SLC24A4: variants seen among roughly 807,000 people sequenced by gnomAD.
SLC24A4 encodes the protein sodium/potassium/calcium exchanger 4.
A neutral mutation model predicts 79.0 loss-of-function variants in SLC24A4; 53 were observed. The observed-to-expected ratio is 0.67, with a 90% CI of 0.54 to 0.84. The LOEUF is 0.84. Ranked by LOEUF, SLC24A4 falls within the 40% of genes least tolerant of loss-of-function variation. The pLI, the probability that SLC24A4 is intolerant of heterozygous loss-of-function variation, is 0.00. For synonymous variants in SLC24A4, 323 were observed against 323.8 expected, an observed-to-expected ratio of 1.00 and a Z score of 0.03; for missense variants, 731 against 822.0, an observed-to-expected ratio of 0.89 and a Z score of 1.35.
chr14:92,439,495 G>A (rs931717049), intron 4 of SLC24A4, 86 bp downstream of exon 4: 19 of 1,243,630 alleles, frequency 1.5e-5, no homozygotes, highest in African/African-American at 7.4e-5. Flanking sequence ...CAGGGCTGGC[G>A]TGGGGAGCAT....
At chr14:92,429,803 G>A (rs1365290908) in intron 2 of SLC24A4, among the ~76,000 whole-genome samples, 1 of 152,190 alleles carries the variant, frequency 6.6e-6, no homozygotes, top group African/African-American at 2.4e-5. Context: ...TAGTCTCTCA[G>A]AGCCTCCACT....
chr14:92,396,018 G>T (rs1042048342), intron 2 of SLC24A4, among the ~76,000 whole-genome samples: 3 of 152,118 alleles, frequency 2.0e-5, no homozygotes, highest in Admixed American at 6.5e-5. Context: ...TAGAAACAGG[G>T]TTTCACCCTG....
At chr14:92,417,009 T>G (rs1405283993) in intron 2 of SLC24A4, among the ~76,000 whole-genome samples, 2 of 152,232 alleles carry the variant, frequency 1.3e-5, no homozygotes, top group East Asian at 3.8e-4. Context: ...TATTAAGCAC[T>G]TATATGTAAG....
At chr14:92,369,058 C>T (rs1888009052) in intron 2 of SLC24A4, among the ~76,000 whole-genome samples, 1 of 152,168 alleles carries the variant, frequency 6.6e-6, no homozygotes, top group South Asian at 2.1e-4. Context: ...AGAGGTGCCC[C>T]CTGAAACAGC....
chr14:92,379,227 A>T, intron 2 of SLC24A4, among the ~76,000 whole-genome samples: 1 of 152,142 alleles, frequency 6.6e-6, no homozygotes, highest in East Asian at 1.9e-4. Context: ...CTGGAAATCG[A>T]TCTTGAGTCT....
chr14:92,411,269 G>A (rs61975659), intron 2 of SLC24A4, among the ~76,000 whole-genome samples: 4 of 152,134 alleles, frequency 2.6e-5, no homozygotes, highest in African/African-American at 9.7e-5. Context: ...ATATCCTGGA[G>A]CCTCTGTTGA....
chr14:92,464,689 G>A (rs1424629359), intron 12 of SLC24A4, among the ~76,000 whole-genome samples: 2 of 152,138 alleles, frequency 1.3e-5, no homozygotes, highest in Non-Finnish European at 2.9e-5. Flanking sequence ...TTTAACTTCT[G>A]GGAGATGTCA....
chr14:92,478,144 A>G (rs1760249171), intron 12 of SLC24A4, among the ~76,000 whole-genome samples: 1 of 152,234 alleles, frequency 6.6e-6, no homozygotes, highest in Non-Finnish European at 1.5e-5. Flanking sequence ...ATGAATCACA[A>G]AAGTTTTTAA....
intron 2 of SLC24A4, among the ~76,000 whole-genome samples, chr14:92,363,183 C>T (rs930315345): frequency 2.6e-5 from 4 of 152,210 alleles, no homozygotes; most frequent in Non-Finnish European, 4.4e-5. Context: ...GCTTCCAGCC[C>T]GTGCCTCGAG....
intron 2 of SLC24A4, among the ~76,000 whole-genome samples, chr14:92,375,768 C>T (rs1888463724): frequency 6.6e-6 from 1 of 152,188 alleles, no homozygotes; most frequent in Non-Finnish European, 1.5e-5. Context: ...TCCACGCTGA[C>T]AGAAAGCAGA....
chr14:92,480,286 C>CTTTTTTTTTTTTTTTTTTTT (rs66533065), intron 12 of SLC24A4, among the ~76,000 whole-genome samples: 1 of 63,126 alleles, frequency 1.6e-5, no homozygotes, highest in African/African-American at 5.4e-5. Context: ...AGATCTTTCC[C>CTTTTTTTTTTTTTTTTTTTT]TTTTTTTTTT....
Position 92,486,758 on chromosome 14 carries a change from C to T in SLC24A4, c.1515C>T (p.Ala505=). 1 of 1,614,002 alleles carries T rather than the reference C, an allele frequency of 6.2e-7. No homozygotes were observed. The highest frequency in any genetic ancestry group is 8.5e-7 in the Non-Finnish European group (1 of 1,179,928). The stretch of plus-strand genomic sequence containing the variant: ...GGACAAGTGTTCCAGACTGCATGGC[C>T]AGCCTAATTGTGGCGAGACAAGGTA... ...AAGTSVPDCM[A]SLIVARQGLG... The change falls in exon 14 of 17, where the codon GCC becomes GCT. Residue 505 remains alanine, a synonymous_variant. Coordinates refer to ENST00000532405, the MANE Select transcript of SLC24A4 (RefSeq NM_153646.4).
chr14:92,472,076 G>A (rs1894467175), intron 12 of SLC24A4, among the ~76,000 whole-genome samples: 1 of 152,124 alleles, frequency 6.6e-6, no homozygotes, highest in Non-Finnish European at 1.5e-5. Flanking sequence ...CCTGCTGGGA[G>A]CATGACTTTC....
chr14:92,383,050 G>T (rs537860883), intron 2 of SLC24A4, among the ~76,000 whole-genome samples: 25 of 152,164 alleles, frequency 1.6e-4, no homozygotes, highest in Non-Finnish European at 2.9e-4. Context: ...CACTGGCCAC[G>T]TGTGGACCCC....
chr14:92,447,322 C>A, intron 8 of SLC24A4, 49 bp from the exon 9 acceptor site: 2 of 1,582,596 alleles, frequency 1.3e-6, no homozygotes, highest in South Asian at 2.2e-5. Flanking sequence ...CCAGCCTTCA[C>A]CTGCCCCGGG....
chr14:92,408,658 C>G (rs930083186), intron 2 of SLC24A4, among the ~76,000 whole-genome samples: 1 of 152,160 alleles, frequency 6.6e-6, no homozygotes, highest in African/African-American at 2.4e-5. Flanking sequence ...ATAATGAGAT[C>G]TACCCTCTAG....
At chr14:92,476,879 T>C (rs1438169917) in intron 12 of SLC24A4, among the ~76,000 whole-genome samples, 2 of 152,268 alleles carry the variant, frequency 1.3e-5, no homozygotes, top group Non-Finnish European at 2.9e-5. Context: ...CATGTATCAG[T>C]ACTTCATTCC....
intron 10 of SLC24A4, chr14:92,453,349 A>C (rs1893258561): frequency 1.3e-5 from 2 of 152,274 alleles, no homozygotes; most frequent in African/African-American, 2.4e-5. Flanking sequence ...GCCCTTATAA[A>C]GAACAAAGTT....
chr14:92,375,696 C>G (rs913591505), intron 2 of SLC24A4, among the ~76,000 whole-genome samples: 3 of 152,118 alleles, frequency 2.0e-5, no homozygotes, highest in African/African-American at 7.2e-5. Context: ...GTGAAAGAAG[C>G]CAGAGGACAA....
Sources: allele counts gnomAD v4.1 joint callset (sites outside exome capture counted in the v4.1 genomes callset), GRCh38; gene constraint gnomAD v4.1.1; transcripts MANE v1.5; gene names NCBI Gene and HGNC (gene_info 2026-07-23, HGNC 2026-07-21).